FRMD4A: variants seen among roughly 807,000 people sequenced by gnomAD.
The protein encoded by FRMD4A is FERM domain containing 4A.
In FRMD4A, 29 loss-of-function variants were observed where a neutral mutation model predicts 129.1. The observed-to-expected ratio is 0.22, with a 90% CI of 0.17 to 0.31. FRMD4A has a LOEUF of 0.31. FRMD4A is among the 10% of genes least tolerant of loss of function. The probability of loss-of-function intolerance (pLI) is 1.00; values close to 1 mark genes in which losing one functional copy is unlikely to be tolerated. For missense variants in FRMD4A, 1,272 were observed against 1,375.8 expected (o/e 0.92, Z 1.19); for synonymous variants, 634 against 571.6 (o/e 1.11, Z -1.56).
chr10:14,312,158 G>A (rs752647550), intron 2 of FRMD4A, among the ~76,000 whole-genome samples: 3 of 152,186 alleles, frequency 2.0e-5, no homozygotes, highest in Non-Finnish European at 4.4e-5. Flanking sequence ...TGAAATTTGG[G>A]TATGATTCTT....
chr10:14,015,936 G>A (rs895340023), intron 2 of FRMD4A, among the ~76,000 whole-genome samples: 1 of 152,202 alleles, frequency 6.6e-6, no homozygotes, highest in Non-Finnish European at 1.5e-5. Flanking sequence ...GTCACAATGA[G>A]AGGCTCCAGT....
intron 2 of FRMD4A, among the ~76,000 whole-genome samples, chr10:14,072,803 T>C (rs577641925): frequency 6.6e-6 from 1 of 152,144 alleles, no homozygotes; most frequent in Admixed American, 6.5e-5. Flanking sequence ...TAAAGGAAAA[T>C]GAGGTGAGAT....
intron 3 of FRMD4A, among the ~76,000 whole-genome samples, chr10:13,846,988 G>A (rs1379772863): frequency 6.6e-6 from 1 of 152,164 alleles, no homozygotes; most frequent in Non-Finnish European, 1.5e-5. Flanking sequence ...GGCATGTATT[G>A]GAGAGGAGAA....
chr10:13,892,392 C>T (rs897385842), intron 2 of FRMD4A, among the ~76,000 whole-genome samples: 1 of 152,132 alleles, frequency 6.6e-6, no homozygotes, highest in African/African-American at 2.4e-5. Flanking sequence ...ATTGTCAAGG[C>T]TTCGCGACAA....
chr10:13,781,257 T>C (rs555145411), intron 6 of FRMD4A, among the ~76,000 whole-genome samples: 1 of 128,784 alleles, frequency 7.8e-6, no homozygotes, highest in South Asian at 2.7e-4. Context: ...TGAGCCAAGA[T>C]TGCACCACTG....
intron 5 of FRMD4A, among the ~76,000 whole-genome samples, chr10:13,790,997 G>A (rs957542731): frequency 2.0e-5 from 3 of 152,196 alleles, no homozygotes; most frequent in Non-Finnish European, 2.9e-5. Context: ...TGAGGTACAC[G>A]TGGATCAGTG....
At chr10:14,097,154 A>G (rs1353903503) in intron 2 of FRMD4A, 1 of 147,868 alleles carries the variant, frequency 6.8e-6, no homozygotes, top group Non-Finnish European at 1.5e-5. Flanking sequence ...AAAAAAAAAA[A>G]AAAAAAAAAA....
intron 14 of FRMD4A, among the ~76,000 whole-genome samples, chr10:13,695,366 C>A (rs992326112): frequency 4.6e-5 from 7 of 152,264 alleles, no homozygotes; most frequent in African/African-American, 1.4e-4. Flanking sequence ...GTCTCAAACT[C>A]CTGACCTCAG....
chr10:13,769,331 C>T (rs2092386328), intron 6 of FRMD4A, among the ~76,000 whole-genome samples: 1 of 147,352 alleles, frequency 6.8e-6, no homozygotes, highest in East Asian at 2.0e-4. Context: ...ATTTTTGAGA[C>T]AGGGTCTTGC....
chr10:13,873,188 AAT>A (rs72042042), intron 2 of FRMD4A, among the ~76,000 whole-genome samples: 68,161 of 148,046 alleles, frequency 0.46, 15,988 homozygotes, highest in South Asian at 0.6. Context: ...AAAAAAATAA[AAT>A]AAAATAAAAA....
intron 2 of FRMD4A, among the ~76,000 whole-genome samples, chr10:14,178,955 A>G (rs1438351864): frequency 6.6e-6 from 1 of 152,182 alleles, no homozygotes; most frequent in African/African-American, 2.4e-5. Flanking sequence ...AACCTCTCTT[A>G]GCAAATGCCC....
intron 2 of FRMD4A, among the ~76,000 whole-genome samples, chr10:14,180,166 A>G (rs762178825): frequency 6.6e-6 from 1 of 152,214 alleles, no homozygotes; most frequent in Non-Finnish European, 1.5e-5. Context: ...GAAGAGTAAT[A>G]TTTATTGAGC....
At chr10:14,113,629 C>G (rs1366887151) in intron 2 of FRMD4A, among the ~76,000 whole-genome samples, 2 of 152,080 alleles carry the variant, frequency 1.3e-5, no homozygotes, top group Non-Finnish European at 2.9e-5. Context: ...CTATGTTGTT[C>G]AAGGATCCAC....
At chr10:14,317,512 T>C (rs185179765) in intron 2 of FRMD4A, among the ~76,000 whole-genome samples, 1 of 152,312 alleles carries the variant, frequency 6.6e-6, no homozygotes, top group East Asian at 1.9e-4. Flanking sequence ...GTTGCAACTG[T>C]TTGTTTATTG....
intron 2 of FRMD4A, among the ~76,000 whole-genome samples, chr10:13,920,600 T>C (rs2095060102): frequency 1.3e-5 from 2 of 152,222 alleles, no homozygotes; most frequent in Admixed American, 6.5e-5. Context: ...CACACACTTA[T>C]AGGTGAATAG....
chr10:13,880,898 T>A (rs1191714500), intron 2 of FRMD4A, among the ~76,000 whole-genome samples: 15 of 151,952 alleles, frequency 9.9e-5, no homozygotes, highest in Admixed American at 9.8e-4. Flanking sequence ...TACTTATGGA[T>A]CATGTGGATT....
chr10:14,300,987 T>C (rs1328149714), intron 2 of FRMD4A, among the ~76,000 whole-genome samples: 1 of 152,212 alleles, frequency 6.6e-6, no homozygotes, highest in Non-Finnish European at 1.5e-5. Flanking sequence ...CCATGTTGTA[T>C]TAGTTATCTA....
intron 2 of FRMD4A, among the ~76,000 whole-genome samples, chr10:13,891,331 A>G (rs1231244826): frequency 6.6e-6 from 1 of 152,162 alleles, no homozygotes; most frequent in East Asian, 1.9e-4. Context: ...CTCTGCCTAA[A>G]GCCATGTCCT....
intron 6 of FRMD4A, among the ~76,000 whole-genome samples, chr10:13,776,388 G>T (rs922751413): frequency 1.3e-5 from 2 of 152,156 alleles, no homozygotes; most frequent in African/African-American, 2.4e-5. Context: ...TGGTATTATA[G>T]GTGTGAACCA....
Sources: allele counts gnomAD v4.1 joint callset (sites outside exome capture counted in the v4.1 genomes callset), GRCh38; gene constraint gnomAD v4.1.1; transcripts MANE v1.5; gene names NCBI Gene and HGNC (gene_info 2026-07-23, HGNC 2026-07-21).